The following NTRK2 variants were observed in gnomAD, a reference collection of about 807,000 sequenced individuals.
NTRK2 encodes neurotrophic receptor tyrosine kinase 2, also known as BDNF/NT-3 growth factors receptor.
NTRK2 carries 13 observed loss-of-function variants against 94.5 expected under a neutral mutation model. The observed-to-expected ratio is 0.14, with a 90% CI of 0.09 to 0.22. The LOEUF (loss-of-function observed/expected upper bound fraction) is 0.22, where lower values mean the gene tolerates loss of function less well. Among genes scored for constraint, NTRK2 ranks in the 10% least tolerant of loss-of-function variants. The pLI is 1.00. For synonymous variants in NTRK2, 372 were observed against 407.4 expected (o/e 0.91, Z 1.05); for missense variants, 639 against 1,071.2 (o/e 0.60, Z 5.63).
intron 17 of NTRK2, among the ~76,000 whole-genome samples, chr9:85,001,357 A>G (rs1342888756): frequency 6.6e-6 from 1 of 152,168 alleles, no homozygotes; most frequent in African/African-American, 2.4e-5. Flanking sequence ...CTTATTCTTG[A>G]AAGACTCACA....
chr9:84,926,222 C>G (rs964305086), intron 14 of NTRK2, among the ~76,000 whole-genome samples: 4 of 116,914 alleles, frequency 3.4e-5, no homozygotes, highest in African/African-American at 6.3e-5. Context: ...TTCTTTCTTT[C>G]TTTCTTTCTT....
intron 17 of NTRK2, among the ~76,000 whole-genome samples, chr9:85,016,057 A>C (rs1245363417): frequency 6.6e-6 from 1 of 152,204 alleles, no homozygotes; most frequent in Non-Finnish European, 1.5e-5. Context: ...GTTGGGTTCA[A>C]GTGAGATAAT....
chr9:84,751,369 C>A (rs908499810), intron 11 of NTRK2, among the ~76,000 whole-genome samples: 1 of 152,004 alleles, frequency 6.6e-6, no homozygotes, highest in Non-Finnish European at 1.5e-5. Context: ...TCCTTGAGCC[C>A]GGGATTTCAA....
chr9:84,994,204 A>G (rs1369976663), intron 17 of NTRK2, among the ~76,000 whole-genome samples: 1 of 152,092 alleles, frequency 6.6e-6, no homozygotes, highest in Non-Finnish European at 1.5e-5. Flanking sequence ...CTTTTCTACC[A>G]CATTTATTAC....
chr9:84,749,498 C>A (rs1017145917), intron 11 of NTRK2, among the ~76,000 whole-genome samples: 1 of 152,164 alleles, frequency 6.6e-6, no homozygotes, highest in Admixed American at 6.5e-5. Context: ...GTGGATAAAT[C>A]ACAGGATTTA....
At chr9:84,822,691 A>C (rs1164446400) in intron 12 of NTRK2, among the ~76,000 whole-genome samples, 1 of 152,168 alleles carries the variant, frequency 6.6e-6, no homozygotes, top group African/African-American at 2.4e-5. Context: ...GCTGCTGGGG[A>C]GTATTTGAGC....
intron 12 of NTRK2, among the ~76,000 whole-genome samples, chr9:84,797,527 TA>T (rs2069483901): frequency 3.4e-5 from 3 of 88,470 alleles, no homozygotes; most frequent in African/African-American, 1.7e-4. Context: ...ATTATTACTA[TA>T]ATAATGTATA....
At chr9:84,957,259 C>A (rs562513413) in intron 17 of NTRK2, among the ~76,000 whole-genome samples, 1 of 152,176 alleles carries the variant, frequency 6.6e-6, no homozygotes, top group South Asian at 2.1e-4. Context: ...AAAGTGAGTG[C>A]TTGTTAAGTT....
At chr9:84,824,537 C>T (rs1282609214) in intron 12 of NTRK2, among the ~76,000 whole-genome samples, 1 of 152,174 alleles carries the variant, frequency 6.6e-6, no homozygotes, top group East Asian at 1.9e-4. Context: ...GTGGGGCAGC[C>T]CAACAGGAGC....
At chr9:84,915,356 G>A (rs10123809) in intron 14 of NTRK2, among the ~76,000 whole-genome samples, 18,437 of 152,122 alleles carry the variant, frequency 0.12, 1,332 homozygotes, top group East Asian at 0.22. Context: ...GTGGGGATGC[G>A]GCCCTCATGA....
Position 85,023,966 on chromosome 9 carries a change from G to GC in NTRK2, c.*2530dup, listed in dbSNP as rs1479469191. The GC allele has an allele frequency of 8.7e-6, 2 of 229,584 alleles. No individual in the cohort carries two copies. Among genetic ancestry groups the GC allele is most frequent in the Admixed American group, 5.7e-5 (1 of 17,658 alleles). The allele number at this position is 229,584 out of a possible 1,614,324, so 14.2% of individuals were successfully genotyped here. A position where few individuals can be genotyped will look rare whatever the true frequency, so the allele number is the denominator to read the frequency against. On this transcript the variant is annotated 3_prime_UTR_variant, in exon 19 of 19. Transcript: ENST00000277120. ...GTTTAAGGCAAATGAGACTTTGGGA[G>GC]CATCCCATTCCAGTTTTGTCTTTTT...
At chr9:84,778,897 G>A (rs2067299331) in intron 12 of NTRK2, among the ~76,000 whole-genome samples, 1 of 152,144 alleles carries the variant, frequency 6.6e-6, no homozygotes. Context: ...CCTCAATGTT[G>A]AGGGATATGT....
chr9:84,872,376 G>T (rs1410376533), intron 14 of NTRK2: 2 of 1,092,368 alleles, frequency 1.8e-6, no homozygotes, highest in African/African-American at 1.6e-5. Flanking sequence ...GGGCAGGAGT[G>T]TGTTTTATCT....
chr9:84,699,234 C>T (rs945891209), intron 2 of NTRK2, among the ~76,000 whole-genome samples: 3 of 152,048 alleles, frequency 2.0e-5, no homozygotes, highest in Non-Finnish European at 4.4e-5. Flanking sequence ...GACGGGGTTT[C>T]ACCATGTTAG....
chr9:84,998,470 T>C (rs529031421), intron 17 of NTRK2, among the ~76,000 whole-genome samples: 83 of 152,314 alleles, frequency 5.4e-4, no homozygotes, highest in African/African-American at 1.9e-3. Flanking sequence ...TCCAGCACTA[T>C]GAAATCAACA....
chr9:84,710,799 A>T lies in NTRK2; in HGVS notation c.583+8A>T. 1.2e-6 allele frequency: 2 copies of T among 1,613,978 alleles called. No individual in the cohort carries two copies. On this transcript the variant is annotated splice_region_variant and intron_variant, in intron 6 of 18. Transcript: ENST00000277120. ...TGCAGATACCCAATTGTGGTAATTT[A>T]TTTTTAAATCAATGTGTTCTAGTTG... is the stretch of plus-strand genomic sequence containing the variant.
chr9:84,830,918 A>T lies in NTRK2; in HGVS notation c.1397-30122A>T, dbSNP rs188316697. ...TTTCCTAATGCTTTTCTGTGCCTAT[A>T]ATTGTTCTGTGCTTGAATCATATTG... is the stretch of plus-strand genomic sequence containing the variant. On this transcript the variant is annotated intron_variant, in intron 12 of 18. Coordinates refer to ENST00000277120, the MANE Select transcript of NTRK2 (RefSeq NM_006180.6). Among the ~76,000 whole-genome samples the T allele has an allele frequency of 3.9e-3, 591 of 152,292 alleles. 3 individuals carry two copies. The highest frequency in any genetic ancestry group is 0.013 in the African/African-American group (542 of 41,574).
At chr9:84,784,052 A>C (rs1253017260) in intron 12 of NTRK2, among the ~76,000 whole-genome samples, 1 of 152,120 alleles carries the variant, frequency 6.6e-6, no homozygotes, top group Non-Finnish European at 1.5e-5. Context: ...AAGATTAGAA[A>C]ATGAATCCCA....
chr9:84,994,478 A>G (rs1183158924), intron 17 of NTRK2, among the ~76,000 whole-genome samples: 1 of 152,198 alleles, frequency 6.6e-6, no homozygotes, highest in Non-Finnish European at 1.5e-5. Flanking sequence ...ATCCCAGAGG[A>G]TGGTTTGGAG....
Sources: allele counts gnomAD v4.1 joint callset (sites outside exome capture counted in the v4.1 genomes callset), GRCh38; gene constraint gnomAD v4.1.1; transcripts MANE v1.5; gene names NCBI Gene and HGNC (gene_info 2026-07-23, HGNC 2026-07-21).